HOXC6: variants seen among roughly 807,000 people sequenced by gnomAD.
The protein encoded by HOXC6 is homeobox C6, also known as homeobox protein Hox-C6.
A neutral mutation model predicts 24.0 loss-of-function variants in HOXC6; 10 were observed. The observed-to-expected ratio is 0.42, with a 90% CI of 0.26 to 0.71. The LOEUF (loss-of-function observed/expected upper bound fraction) is 0.71, where lower values mean the gene tolerates loss of function less well. HOXC6 is among the 30% of genes least tolerant of loss of function. HOXC6 has a pLI of 0.28. For missense variants in HOXC6, 258 were observed against 303.4 expected (o/e 0.85, Z 1.11); for synonymous variants, 123 against 128.1 (o/e 0.96, Z 0.27).
chr12:54,024,937 C>A (rs1440352392), upstream of HOXC6, among the ~76,000 whole-genome samples: 1 of 152,174 alleles, frequency 6.6e-6, no homozygotes, highest in Non-Finnish European at 1.5e-5. Context: ...GCAATTTTTC[C>A]CTTGTATTCT....
At position 54,029,990 on chromosome 12, in the gene HOXC6, C is replaced by G; in HGVS notation, c.*28C>G. On this transcript the variant is annotated 3_prime_UTR_variant, in exon 2 of 2. Transcript: ENST00000243108. Reference sequence around the variant, plus strand: ...AGGACTGTCCCTGCCACCCCTCTCTCCCTTTCTCCCTCGCTCCCCACCAAC... The same window carrying G: ...AGGACTGTCCCTGCCACCCCTCTCTGCCTTTCTCCCTCGCTCCCCACCAAC... 2 of 1,488,334 alleles carry G rather than the reference C, an allele frequency of 1.3e-6. No individual in the cohort carries two copies. The highest frequency in any genetic ancestry group is 4.7e-5 in the East Asian group (2 of 42,372). The allele number at this position is 1,488,334 out of a possible 1,614,324, so 92.2% of individuals were successfully genotyped here.
upstream of HOXC6, among the ~76,000 whole-genome samples, chr12:54,025,141 A>G (rs1378445781): frequency 6.6e-6 from 1 of 152,154 alleles, no homozygotes; most frequent in Non-Finnish European, 1.5e-5. Context: ...GGCTCGTTTT[A>G]TAGAAACAAA....
chr12:54,023,137 C>G (rs574980836), intron 1 of HOXC6, among the ~76,000 whole-genome samples: 2 of 152,346 alleles, frequency 1.3e-5, no homozygotes, highest in South Asian at 2.1e-4. Context: ...CAAGCCCCCT[C>G]CTCAGCTAAT....
At chr12:54,024,706 C>A (rs900935723), upstream of HOXC6, among the ~76,000 whole-genome samples, 2 of 152,152 alleles carry the variant, frequency 1.3e-5, no homozygotes, top group African/African-American at 4.8e-5. Flanking sequence ...TGCCCCCAGC[C>A]TTTCCCTGGC....
chr12:54,019,722 T>C (rs1940343521), intron 1 of HOXC6, among the ~76,000 whole-genome samples: 3 of 152,120 alleles, frequency 2.0e-5, no homozygotes, highest in South Asian at 4.1e-4. Flanking sequence ...CTCTTAATCC[T>C]AGAACGACCT....
At chr12:54,021,124 G>C (rs978491743) in intron 1 of HOXC6, 23 of 152,606 alleles carry the variant, frequency 1.5e-4, no homozygotes, top group African/African-American at 5.5e-4. Context: ...GGTGCTTGGA[G>C]AAGCTTGTGG....
chr12:54,016,980 T>C (rs555994152), exon 1 of HOXC6: 1 of 152,094 alleles, frequency 6.6e-6, no homozygotes, highest in Admixed American at 6.5e-5. Flanking sequence ...TAAATTAATC[T>C]GATTAATAAT....
At chr12:54,028,267 ATT>A (rs926541390), upstream of HOXC6, 59 of 75,626 alleles carry the variant, frequency 7.8e-4, no homozygotes, top group African/African-American at 2.0e-3. Flanking sequence ...ATATATATAT[ATT>A]TTTTAAAAGA....
Position 54,028,769 on chromosome 12 carries a change from T to G in HOXC6, c.248T>G (p.Met83Arg). ...GSNSFYQEKDMLSNCRQNTLG... is the reference protein window; with the variant it reads ...GSNSFYQEKDRLSNCRQNTLG... ...AATTCCTTTTACCAGGAGAAAGACA[T>G]GCTCTCAAACTGCAGACAAAACACC... Residue 83 changes from methionine (M) to arginine (R), a missense_variant, in exon 1 of 2, where the codon ATG becomes AGG. Met to Arg is a moderately conservative substitution (Grantham distance 91). Transcript: ENST00000243108. The G allele has an allele frequency of 1.2e-6, 2 of 1,614,038 alleles. No individual in the cohort carries two copies. Among genetic ancestry groups the G allele is most frequent in the South Asian group, 2.2e-5 (2 of 91,072 alleles).
chr12:54,025,117 C>T (rs946623533), upstream of HOXC6, among the ~76,000 whole-genome samples: 11 of 152,166 alleles, frequency 7.2e-5, no homozygotes, highest in African/African-American at 2.7e-4. Context: ...GGGTAGTGTT[C>T]TCTGATTTCT....
upstream of HOXC6, among the ~76,000 whole-genome samples, chr12:54,026,486 C>T (rs988472160): frequency 1.3e-5 from 2 of 152,210 alleles, no homozygotes; most frequent in Non-Finnish European, 2.9e-5. Context: ...ATTTAAAAAT[C>T]CTCCTCTACC....
chr12:54,030,056 T>C lies in HOXC6; in HGVS notation c.*94T>C, dbSNP rs1160844379. 1.6e-6 allele frequency: 2 copies of C among 1,219,732 alleles called. No homozygotes were observed. The highest frequency in any genetic ancestry group is 1.5e-5 in the African/African-American group (1 of 65,236). The allele number at this position is 1,219,732 out of a possible 1,614,324, so 75.6% of individuals were successfully genotyped here. A position where few individuals can be genotyped will look rare whatever the true frequency, so the allele number is the denominator to read the frequency against. ...CACTCTGTATTTATCACTGGCACAA[T>C]TGATGTGTTTTGATTCCCTAAAACA... On this transcript the variant is annotated 3_prime_UTR_variant, in exon 2 of 2. Coordinates refer to ENST00000243108, the MANE Select transcript of HOXC6 (RefSeq NM_004503.4).
Position 54,028,500 on chromosome 12 carries a change from C to G in HOXC6, c.-22C>G. The G allele has an allele frequency of 6.2e-7, 1 of 1,607,594 alleles. No individual in the cohort carries two copies. Among genetic ancestry groups the G allele is most frequent in the South Asian group, 1.1e-5 (1 of 90,210 alleles). ...AAATAAATATTAAAGAAATCATAGA[C>G]CGACCAGGTAAAGGCAAAGGGATGA... On this transcript the variant is annotated 5_prime_UTR_variant, in exon 1 of 2. Coordinates refer to ENST00000243108, the MANE Select transcript of HOXC6 (RefSeq NM_004503.4).
At chr12:54,028,958 C>T (rs1940857482) in intron 1 of HOXC6, 37 bp downstream of exon 1, 1 of 1,556,330 alleles carries the variant, frequency 6.4e-7, no homozygotes, top group South Asian at 1.2e-5. Context: ...ATTAAATAAA[C>T]TGAACTGGCT....
At position 54,030,579 on chromosome 12, in the gene HOXC6, C is replaced by T. The variant is rs989241660; in HGVS notation, c.*617C>T. The stretch of plus-strand genomic sequence containing the variant: ...ACCGTTTCTGTGTGAAGATTTTTAG[C>T]TGTATTTGTGGTCTCTGTATTTATA... On this transcript the variant is annotated 3_prime_UTR_variant, in exon 2 of 2. Coordinates refer to ENST00000243108, the MANE Select transcript of HOXC6 (RefSeq NM_004503.4). The T allele has an allele frequency of 2.0e-5, 3 of 152,676 alleles. No individual in the cohort carries two copies. The highest frequency in any genetic ancestry group is 7.2e-5 in the African/African-American group (3 of 41,544). The allele number at this position is 152,676 out of a possible 1,614,324, so 9.5% of individuals were successfully genotyped here.
upstream of HOXC6, among the ~76,000 whole-genome samples, chr12:54,027,278 T>G (rs1161017933): frequency 6.6e-6 from 1 of 152,216 alleles, no homozygotes; most frequent in Non-Finnish European, 1.5e-5. Flanking sequence ...TGAGAGCTCC[T>G]TAGAACCCCT....
At chr12:54,028,042 A>G (rs544927822), upstream of HOXC6, among the ~76,000 whole-genome samples, 30 of 152,222 alleles carry the variant, frequency 2.0e-4, no homozygotes, top group South Asian at 5.2e-3. Flanking sequence ...TGGAGAAATC[A>G]GGATGTAATT....
intron 1 of HOXC6, 47 bp downstream of exon 1, chr12:54,028,968 T>A (rs758073273): frequency 6.5e-7 from 1 of 1,532,078 alleles, no homozygotes; most frequent in Non-Finnish European, 8.8e-7. Context: ...CTGAACTGGC[T>A]TTATGACCGG....
intron 1 of HOXC6, among the ~76,000 whole-genome samples, chr12:54,017,670 G>A (rs1940216368): frequency 6.6e-6 from 1 of 152,040 alleles, no homozygotes; most frequent in South Asian, 2.1e-4. Context: ...CAAGGGAACA[G>A]CACCTGTGGG....
Sources: allele counts gnomAD v4.1 joint callset (sites outside exome capture counted in the v4.1 genomes callset), GRCh38; gene constraint gnomAD v4.1.1; transcripts MANE v1.5; gene names NCBI Gene and HGNC (gene_info 2026-07-23, HGNC 2026-07-21).